ABI2: variants seen among roughly 807,000 people sequenced by gnomAD.
ABI2 encodes the protein abelson interactor 2.
ABI2 carries 25 observed loss-of-function variants against 59.2 expected under a neutral mutation model. The ratio of observed to expected loss-of-function variants is 0.42; its 90% CI spans 0.31 to 0.59. ABI2 has a LOEUF of 0.59. ABI2 is among the 20% of genes least tolerant of loss of function. The pLI, the probability that ABI2 is intolerant of heterozygous loss-of-function variation, is 0.14. For missense variants in ABI2, 545 were observed against 681.8 expected (o/e 0.80, Z 2.23); for synonymous variants, 213 against 235.5 (o/e 0.90, Z 0.87).
In ABI2 at chr2:203,431,352, A is replaced by G. The variant is rs2098481998; in HGVS notation, c.*4000A>G. On this transcript the variant is annotated 3_prime_UTR_variant, in exon 12 of 12. Coordinates refer to ENST00000261018, the MANE Select transcript of ABI2 (RefSeq NM_001375670.1). The stretch of plus-strand genomic sequence containing the variant: ...ACTAAATGTGCTGTATTTTTCTTTA[A>G]AAGTTAAGAGTTCTATTTGGTGTTT... The G allele has an allele frequency of 6.6e-6, 1 of 152,618 alleles. No individual in the cohort carries two copies. Among genetic ancestry groups the G allele is most frequent in the African/African-American group, 2.4e-5 (1 of 41,444 alleles). 9.5% of individuals were successfully genotyped at this position (152,618 alleles called of 1,614,324 possible).
chr2:203,366,190 A>G (rs879864920), intron 1 of ABI2, among the ~76,000 whole-genome samples: 33 of 152,034 alleles, frequency 2.2e-4, no homozygotes, highest in Non-Finnish European at 4.4e-4. Context: ...CTGGTGGCTC[A>G]TGCCTGTAAT....
intron 4 of ABI2, among the ~76,000 whole-genome samples, chr2:203,384,173 G>T (rs564101002): frequency 4.3e-4 from 65 of 152,074 alleles, no homozygotes; most frequent in Non-Finnish European, 6.8e-4. Flanking sequence ...AGCAAAGGAC[G>T]TACAAGGTCA....
At chr2:203,328,678 G>T in intron 1 of ABI2, 47 bp downstream of exon 1, 1 of 1,374,642 alleles carries the variant, frequency 7.3e-7, no homozygotes. Context: ...CCCCCGCCGG[G>T]GGCCGCGCGC....
intron 1 of ABI2, chr2:203,351,797 A>G (rs1164357925): frequency 3.9e-6 from 1 of 259,336 alleles, no homozygotes; most frequent in Non-Finnish European, 7.6e-6. Context: ...TGGCCTCCCC[A>G]AGTGCTGGTA....
chr2:203,372,551 C>T (rs940564313), intron 2 of ABI2, among the ~76,000 whole-genome samples: 1 of 146,570 alleles, frequency 6.8e-6, no homozygotes, highest in Non-Finnish European at 1.5e-5. Context: ...GCTGGCCGGG[C>T]GGGGGGCTGA....
intron 11 of ABI2, among the ~76,000 whole-genome samples, chr2:203,418,495 C>T (rs1245950996): frequency 6.6e-6 from 1 of 152,236 alleles, no homozygotes; most frequent in African/African-American, 2.4e-5. Context: ...GCCTGACGGC[C>T]TCGGCTTCTT....
chr2:203,424,078 A>G (rs967649002), intron 11 of ABI2, among the ~76,000 whole-genome samples: 3 of 152,228 alleles, frequency 2.0e-5, no homozygotes, highest in Non-Finnish European at 2.9e-5. Context: ...TTTTGATACT[A>G]TGCGTGATAT....
intron 1 of ABI2, among the ~76,000 whole-genome samples, chr2:203,350,519 T>TTTTTTC (rs1417933757): frequency 6.6e-6 from 1 of 151,700 alleles, no homozygotes; most frequent in Non-Finnish European, 1.5e-5. Flanking sequence ...GTGGTTACTA[T>TTTTTTC]TTTTTCTTTT....
At chr2:203,328,863 T>C in intron 1 of ABI2, 1 of 324,292 alleles carries the variant, frequency 3.1e-6, no homozygotes, top group Non-Finnish European at 5.6e-6. Context: ...GTGGTGCGTG[T>C]GTCGCGTCCC....
chr2:203,410,338 T>C lies in ABI2; in HGVS notation c.1193-947T>C, dbSNP rs141218310. 2.0e-4 allele frequency among the ~76,000 whole-genome samples: 31 copies of C among 152,364 alleles called. No individual in the cohort carries two copies. In the East Asian group the frequency reaches 6.0e-3, roughly 29 times the overall value. ...TATTTTGGAGCTAACAGAGGCATTT[T>C]CTCTTTATAAGAAAATGCATATCCT... On this transcript the variant is annotated intron_variant, in intron 9 of 11. Transcript: ENST00000261018.
At chr2:203,380,066 C>T (rs2096012244) in intron 2 of ABI2, 142 bp from the exon 3 acceptor site, 1 of 520,578 alleles carries the variant, frequency 1.9e-6, no homozygotes, top group Non-Finnish European at 3.1e-6. Context: ...TGGAGAAAAT[C>T]AGTAGTCCAG....
intron 9 of ABI2, among the ~76,000 whole-genome samples, chr2:203,405,714 T>C (rs1165090366): frequency 6.6e-6 from 1 of 152,174 alleles, no homozygotes; most frequent in Non-Finnish European, 1.5e-5. Flanking sequence ...AGCTTTTTTT[T>C]TGGGGGGGTA....
At chr2:203,338,041 T>C (rs1000844412) in intron 1 of ABI2, among the ~76,000 whole-genome samples, 2 of 152,062 alleles carry the variant, frequency 1.3e-5, no homozygotes, top group Non-Finnish European at 2.9e-5. Flanking sequence ...AAAAAAGCTA[T>C]AGTAATCAAA....
chr2:203,368,023 G>A (rs749630077), intron 2 of ABI2, among the ~76,000 whole-genome samples: 1 of 151,990 alleles, frequency 6.6e-6, no homozygotes, highest in African/African-American at 2.4e-5. Flanking sequence ...ATAAAAAAAA[G>A]TAGCCAGGAT....
rs192756973 is a variant in ABI2, at chr2:203,370,704, G to T, written c.285+3660G>T. 1.2e-4 allele frequency among the ~76,000 whole-genome samples: 19 copies of T among 152,218 alleles called. No homozygotes were observed. The East Asian group carries it at 3.7e-3, about 29-fold the overall frequency. On this transcript the variant is annotated intron_variant, in intron 2 of 11. Coordinates refer to ENST00000261018, the MANE Select transcript of ABI2 (RefSeq NM_001375670.1). ...GGGGTTCTTGAGACCAGATTTTTGT[G>T]CAACTTGGGCAAAAATACTAGATTC...
At chr2:203,366,848 A>G in intron 1 of ABI2, 29 bp from the exon 2 acceptor site, 1 of 1,512,474 alleles carries the variant, frequency 6.6e-7, no homozygotes, top group Non-Finnish European at 8.9e-7. Context: ...TTTTTGAATT[A>G]ATGATCACTG....
intron 11 of ABI2, among the ~76,000 whole-genome samples, chr2:203,424,091 A>G (rs77798518): frequency 0.026 from 4,015 of 152,302 alleles, 177 homozygotes; most frequent in African/African-American, 0.09. Context: ...CGTGATATAC[A>G]TGCATAATTG....
At chr2:203,359,302 T>G (rs548488160) in intron 1 of ABI2, among the ~76,000 whole-genome samples, 2 of 152,306 alleles carry the variant, frequency 1.3e-5, no homozygotes, top group African/African-American at 4.8e-5. Context: ...ACTGAAGACT[T>G]CTAATTCCCA....
chr2:203,410,138 A>C (rs559165628), intron 9 of ABI2, among the ~76,000 whole-genome samples: 28 of 152,296 alleles, frequency 1.8e-4, no homozygotes, highest in African/African-American at 6.7e-4. Flanking sequence ...CCCTTCTTCA[A>C]GTCCCTGCTG....
Sources: allele counts gnomAD v4.1 joint callset (sites outside exome capture counted in the v4.1 genomes callset), GRCh38; gene constraint gnomAD v4.1.1; transcripts MANE v1.5; gene names NCBI Gene and HGNC (gene_info 2026-07-23, HGNC 2026-07-21).